KIFC3: variants seen among roughly 807,000 people sequenced by gnomAD.
KIFC3 encodes the protein kinesin-like protein KIFC3.
KIFC3 carries 60 observed loss-of-function variants against 101.8 expected under a neutral mutation model. That is an observed-to-expected ratio of 0.59 (90% CI 0.48 to 0.73). The LOEUF is 0.73. Among genes scored for constraint, KIFC3 ranks in the 30% least tolerant of loss-of-function variants. The pLI is 0.00. For synonymous variants in KIFC3, 476 were observed against 482.7 expected, an observed-to-expected ratio of 0.99 and a Z score of 0.18; for missense variants, 966 against 1,137.1, an observed-to-expected ratio of 0.85 and a Z score of 2.16.
At chr16:57,809,209 T>C (rs1326406730) in intron 1 of KIFC3, among the ~76,000 whole-genome samples, 1 of 152,188 alleles carries the variant, frequency 6.6e-6, no homozygotes, top group Non-Finnish European at 1.5e-5. Flanking sequence ...GCAGACATCA[T>C]AGGATAAAGC....
At chr16:57,836,570 C>T (rs1011616818) in intron 1 of KIFC3, among the ~76,000 whole-genome samples, 16 of 152,166 alleles carry the variant, frequency 1.1e-4, no homozygotes, top group Admixed American at 7.2e-4. Flanking sequence ...GCTGCAAATT[C>T]CTTCTGTCTA....
intron 1 of KIFC3, among the ~76,000 whole-genome samples, chr16:57,851,558 C>A (rs1459163012): frequency 6.9e-6 from 1 of 145,860 alleles, no homozygotes; most frequent in African/African-American, 2.5e-5. Flanking sequence ...TTATAATATT[C>A]GTTCGTTCAT....
At chr16:57,815,531 C>G in intron 1 of KIFC3, 1 of 1,285,154 alleles carries the variant, frequency 7.8e-7, no homozygotes, top group Admixed American at 2.3e-5. Context: ...CCTGACTCTT[C>G]TACCAGGATG....
chr16:57,807,273 T>G (rs1163731750), upstream of KIFC3, among the ~76,000 whole-genome samples: 3 of 151,520 alleles, frequency 2.0e-5, no homozygotes, highest in Admixed American at 2.0e-4. Flanking sequence ...AGCCTGGCAC[T>G]GCACCCAGCC....
intron 1 of KIFC3, among the ~76,000 whole-genome samples, chr16:57,801,556 G>A (rs2054723365): frequency 6.6e-6 from 1 of 152,192 alleles, no homozygotes; most frequent in African/African-American, 2.4e-5. Flanking sequence ...GGGAATACAC[G>A]TCTGGGAAAG....
In KIFC3 at chr16:57,761,482, G is replaced by A. The variant is rs2967172; in HGVS notation, c.1803C>T (p.Asp601=). 0.65 allele frequency: 1,047,610 copies of A among 1,613,488 alleles called. 351,170 individuals carry two copies. Among genetic ancestry groups the A allele is most frequent in the Non-Finnish European group, 0.69 (813,711 of 1,179,716 alleles). ...CTGGTACATACAGCTGCCCACTGCC[G>A]TCTGGGCACAGCCGGATCTCCAGTT... The part of the protein sequence containing the change: ...QEKLEIRLCP[D]GSGQLYVPGL... The change falls in exon 14 of 20, where the codon GAC becomes GAT. Residue 601 remains aspartate (D), a synonymous_variant. Transcript: ENST00000445690.
At chr16:57,780,558 C>A (rs1474178407) in intron 3 of KIFC3, among the ~76,000 whole-genome samples, 2 of 123,808 alleles carry the variant, frequency 1.6e-5, no homozygotes, top group African/African-American at 2.9e-5. Flanking sequence ...TTTTATGTTA[C>A]GTCTATTTTT....
intron 1 of KIFC3, among the ~76,000 whole-genome samples, chr16:57,848,319 G>A (rs948312114): frequency 8.5e-5 from 13 of 152,138 alleles, no homozygotes; most frequent in African/African-American, 2.2e-4. Context: ...ACAGAAAGCC[G>A]AAATTCAGGA....
At chr16:57,795,512 G>T (rs561625014) in intron 2 of KIFC3, among the ~76,000 whole-genome samples, 3 of 152,202 alleles carry the variant, frequency 2.0e-5, no homozygotes, top group African/African-American at 7.2e-5. Context: ...TTGCACAGGG[G>T]CTATGGCTTT....
At chr16:57,850,465 G>GTTTTTTTTTTTTT in intron 1 of KIFC3, among the ~76,000 whole-genome samples, 1 of 84,078 alleles carries the variant, frequency 1.2e-5, no homozygotes, top group Non-Finnish European at 2.1e-5. Flanking sequence ...TTTAAAAAGG[G>GTTTTTTTTTTTTT]TTTTTTTTTT....
At chr16:57,839,802 A>AT (rs1382597962) in intron 1 of KIFC3, among the ~76,000 whole-genome samples, 9 of 150,370 alleles carry the variant, frequency 6.0e-5, no homozygotes, top group South Asian at 2.1e-4. Context: ...AGTTTTAGTG[A>AT]TTTTTTCCCC....
At chr16:57,816,714 C>G (rs1555628914) in intron 1 of KIFC3, 1 of 456,690 alleles carries the variant, frequency 2.2e-6, no homozygotes, top group Non-Finnish European at 4.4e-6. Context: ...CCAACCTCAA[C>G]AGAACTCTCC....
At chr16:57,762,784 G>A (rs2050018738) in intron 12 of KIFC3, among the ~76,000 whole-genome samples, 2 of 152,278 alleles carry the variant, frequency 1.3e-5, no homozygotes, top group East Asian at 1.9e-4. Context: ...GAGGCCCTGG[G>A]AGCCTGGCCC....
At chr16:57,821,900 G>A (rs1335773294) in intron 1 of KIFC3, among the ~76,000 whole-genome samples, 1 of 151,970 alleles carries the variant, frequency 6.6e-6, no homozygotes, top group African/African-American at 2.4e-5. Flanking sequence ...ATGACAGAGT[G>A]AGACCCGTCT....
chr16:57,827,067 C>T (rs555441165), intron 1 of KIFC3, among the ~76,000 whole-genome samples: 60 of 152,314 alleles, frequency 3.9e-4, no homozygotes, highest in Admixed American at 1.2e-3. Flanking sequence ...CCAATAAGGA[C>T]TCAGGTGACA....
In KIFC3 at chr16:57,836,969, C is replaced by T. The variant is rs141161102; in HGVS notation, c.108+25760G>A. 8.1e-3 allele frequency among the ~76,000 whole-genome samples: 1,226 copies of T among 152,284 alleles called. 3 individuals carry two copies. Among genetic ancestry groups the T allele is most frequent in the Middle Eastern group, 0.02 (6 of 294 alleles). ...TTGGTCTCCCAAAGTGTTGAGATTACAGGTGTAAGCCACTGTACCTTGCCT... is the reference window on the plus strand; with the variant it reads ...TTGGTCTCCCAAAGTGTTGAGATTATAGGTGTAAGCCACTGTACCTTGCCT... On this transcript the variant is annotated intron_variant, in intron 1 of 2. Transcript: ENST00000563028.
chr16:57,825,716 C>T (rs898555914), intron 1 of KIFC3, among the ~76,000 whole-genome samples: 4 of 152,234 alleles, frequency 2.6e-5, no homozygotes, highest in Admixed American at 1.3e-4. Context: ...CTCACTCTGT[C>T]GCCCAGGCTG....
At position 57,759,854 on chromosome 16, in the gene KIFC3, CG is replaced by C; in HGVS notation, c.2368-19del. 2 of 1,588,236 alleles carry C rather than the reference CG, an allele frequency of 1.3e-6. No individual in the cohort carries two copies. Among genetic ancestry groups the C allele is most frequent in the Non-Finnish European group, 1.7e-6 (2 of 1,165,824 alleles). ...GGCTCCCACTGTGAGCAGGGAAGGG[CG>C]GATGGGCGGGGGCCACGGCTGCCCT... is the stretch of plus-strand genomic sequence containing the variant. On this transcript the variant is annotated intron_variant, in intron 17 of 19. Transcript: ENST00000445690.
intron 1 of KIFC3, among the ~76,000 whole-genome samples, chr16:57,812,968 G>T (rs79011223): frequency 6.6e-6 from 1 of 152,146 alleles, no homozygotes; most frequent in South Asian, 2.1e-4. Flanking sequence ...CATCACGAGG[G>T]CTAAACTGGC....
Sources: allele counts gnomAD v4.1 joint callset (sites outside exome capture counted in the v4.1 genomes callset), GRCh38; gene constraint gnomAD v4.1.1; transcripts MANE v1.5; gene names NCBI Gene and HGNC (gene_info 2026-07-23, HGNC 2026-07-21).